TMEM132C: variants seen among roughly 807,000 people sequenced by gnomAD.
The protein encoded by TMEM132C is protein phosphatase 1, regulatory subunit 152.
TMEM132C carries 29 observed loss-of-function variants against 61.4 expected under a neutral mutation model. The observed-to-expected ratio is 0.47, with a 90% CI of 0.35 to 0.64. The LOEUF (loss-of-function observed/expected upper bound fraction) is 0.64. Among genes scored for constraint, TMEM132C ranks in the 30% least tolerant of loss-of-function variants. The probability of loss-of-function intolerance (pLI) is 0.00; values close to 1 mark genes in which losing one functional copy is unlikely to be tolerated. For synonymous variants in TMEM132C, 656 were observed against 633.1 expected, an observed-to-expected ratio of 1.04 and a Z score of -0.54; for missense variants, 1,408 against 1,476.9, an observed-to-expected ratio of 0.95 and a Z score of 0.76.
At position 128,431,729 on chromosome 12, in the gene TMEM132C, G is replaced by C. The variant is rs559358776; in HGVS notation, c.974+16109G>C. On this transcript the variant is annotated intron_variant, in intron 2 of 8. Transcript: ENST00000435159. ...GCCACCACGCCTTGCTAATTTTTCT[G>C]TATTTTTATTAGAGACGGGGTTTCA... 2.0e-5 allele frequency among the ~76,000 whole-genome samples: 3 copies of C among 151,888 alleles called. No individual in the cohort carries two copies. The East Asian group carries it at 5.9e-4, about 30-fold the overall frequency.
At chr12:128,622,350 AAAAAAAAAAAATATATATATATAT>A (rs1379036996) in intron 4 of TMEM132C, among the ~76,000 whole-genome samples, 7 of 57,960 alleles carry the variant, frequency 1.2e-4, no homozygotes, top group African/African-American at 6.7e-4. Context: ...TCTCAAAAAA[AAAAAAAAAAAATATATATATATAT>A]ATATATATAT....
At chr12:128,443,201 C>A (rs1023164642) in intron 2 of TMEM132C, among the ~76,000 whole-genome samples, 30 of 152,074 alleles carry the variant, frequency 2.0e-4, no homozygotes, top group African/African-American at 6.3e-4. Context: ...TATGTTCTCA[C>A]AAGTGGGAGC....
intron 2 of TMEM132C, among the ~76,000 whole-genome samples, chr12:128,512,077 A>G (rs185586036): frequency 2.6e-3 from 389 of 148,900 alleles, no homozygotes; most frequent in Non-Finnish European, 4.4e-3. Context: ...TTCCTACCGC[A>G]CTGCCAGTTT....
chr12:128,672,173 T>C (rs760749540), intron 5 of TMEM132C, among the ~76,000 whole-genome samples: 2 of 152,058 alleles, frequency 1.3e-5, no homozygotes, highest in Non-Finnish European at 2.9e-5. Flanking sequence ...ATGTGTTTTA[T>C]ACTAACAGCA....
Position 128,669,503 on chromosome 12 carries a change from C to A in TMEM132C, c.1392C>A (p.Ala464=). The part of the protein sequence containing the change: ...IKVVSVEENS[A]VMDISESVEC... Reference sequence around the variant, plus strand: ...TGGTCTCTGTGGAGGAGAACAGTGCCGTGATGGACATCTCAGAGTCGGTGG... The same window carrying A: ...TGGTCTCTGTGGAGGAGAACAGTGCAGTGATGGACATCTCAGAGTCGGTGG... The change falls in exon 5 of 9, where the codon GCC becomes GCA. Residue 464 remains alanine, a synonymous_variant. Coordinates refer to ENST00000435159, the MANE Select transcript of TMEM132C (RefSeq NM_001136103.3). The A allele has an allele frequency of 6.4e-7, 1 of 1,551,626 alleles. No homozygotes were observed. The highest frequency in any genetic ancestry group is 8.7e-7 in the Non-Finnish European group (1 of 1,146,982).
chr12:128,277,723 C>G (rs1356057570), intron 1 of TMEM132C, among the ~76,000 whole-genome samples: 1 of 152,222 alleles, frequency 6.6e-6, no homozygotes, highest in Admixed American at 6.5e-5. Flanking sequence ...GAATCAAAAG[C>G]CACTGGATGG....
rs565730970 is a variant in TMEM132C at position 128,619,824 on chromosome 12, A to G, written c.1305+3489A>G. Among the ~76,000 whole-genome samples the G allele has an allele frequency of 1.4e-4, 21 of 152,322 alleles. No individual in the cohort carries two copies. In the South Asian group the frequency reaches 4.3e-3, roughly 32 times the overall value. ...TGGCAGTTCAGTTCTTCTTCAATGTAAGAAAAAAGGGTTCATATCCCAAGT... is the reference window on the plus strand; with the variant it reads ...TGGCAGTTCAGTTCTTCTTCAATGTGAGAAAAAAGGGTTCATATCCCAAGT... On this transcript the variant is annotated intron_variant, in intron 4 of 8. Coordinates refer to ENST00000435159, the MANE Select transcript of TMEM132C (RefSeq NM_001136103.3).
chr12:128,698,493 C>T (rs982241712), intron 8 of TMEM132C, among the ~76,000 whole-genome samples: 14 of 152,202 alleles, frequency 9.2e-5, no homozygotes, highest in African/African-American at 2.7e-4. Flanking sequence ...TCAGGCAAGA[C>T]GCCTCACCCG....
At chr12:128,399,479 T>C (rs1420833198) in intron 1 of TMEM132C, among the ~76,000 whole-genome samples, 1 of 152,222 alleles carries the variant, frequency 6.6e-6, no homozygotes, top group Non-Finnish European at 1.5e-5. Context: ...ATTTAAATTC[T>C]GCTGTAAATG....
chr12:128,695,750 T>G, intron 6 of TMEM132C, 80 bp from the exon 7 acceptor site: 3 of 1,435,042 alleles, frequency 2.1e-6, no homozygotes, highest in Non-Finnish European at 2.8e-6. Flanking sequence ...TCCTTGAGGT[T>G]GAGGTGAGCG....
intron 1 of TMEM132C, among the ~76,000 whole-genome samples, chr12:128,327,829 T>C (rs1872572675): frequency 6.6e-6 from 1 of 152,066 alleles, no homozygotes. Flanking sequence ...TTCTGACTGA[T>C]CATTGGTTGA....
rs145431178 is a variant in TMEM132C at position 128,374,529 on chromosome 12, G to C, written c.86-40203G>C. Among the ~76,000 whole-genome samples the C allele has an allele frequency of 1.6e-3, 249 of 152,188 alleles. 3 individuals are homozygous for C. The East Asian group carries it at 0.038, about 23-fold the overall frequency. ...GCAGACGTGTGCCAGGCAGTGGGTGGGTTTGGCTATTTGGCGCCTGACAGC... is the reference window on the plus strand; with the variant it reads ...GCAGACGTGTGCCAGGCAGTGGGTGCGTTTGGCTATTTGGCGCCTGACAGC... On this transcript the variant is annotated intron_variant, in intron 1 of 8. Coordinates refer to ENST00000435159, the MANE Select transcript of TMEM132C (RefSeq NM_001136103.3).
chr12:128,580,098 C>G (rs1440249794), intron 3 of TMEM132C, among the ~76,000 whole-genome samples: 1 of 152,200 alleles, frequency 6.6e-6, no homozygotes, highest in Non-Finnish European at 1.5e-5. Context: ...ACAACGTAAT[C>G]TCTCCAAGCC....
intron 3 of TMEM132C, among the ~76,000 whole-genome samples, chr12:128,590,463 C>T (rs1875712233): frequency 6.6e-6 from 1 of 152,160 alleles, no homozygotes; most frequent in South Asian, 2.1e-4. Context: ...TGACAGTTGG[C>T]AAACTGTGGC....
chr12:128,283,643 A>G (rs1870969216), intron 1 of TMEM132C, among the ~76,000 whole-genome samples: 1 of 151,906 alleles, frequency 6.6e-6, no homozygotes, highest in Admixed American at 6.6e-5. Flanking sequence ...CCATCTATCT[A>G]TTATCTAATC....
chr12:128,577,111 A>C (rs559501454), intron 3 of TMEM132C, among the ~76,000 whole-genome samples: 5 of 152,032 alleles, frequency 3.3e-5, no homozygotes, highest in African/African-American at 4.8e-5. Context: ...CCCATCAACC[A>C]CTAATCTGCT....
chr12:128,651,342 G>C (rs1290486831), intron 4 of TMEM132C, among the ~76,000 whole-genome samples: 1 of 152,198 alleles, frequency 6.6e-6, no homozygotes, highest in African/African-American at 2.4e-5. Context: ...TGGCTCTTCA[G>C]ACAACGACTC....
intron 4 of TMEM132C, among the ~76,000 whole-genome samples, chr12:128,622,358 AAAATATAT>A (rs1240348523): frequency 2.3e-4 from 11 of 48,282 alleles, no homozygotes; most frequent in African/African-American, 8.3e-4. Flanking sequence ...AAAAAAAAAA[AAAATATAT>A]ATATATATAT....
chr12:128,466,570 A>G, intron 2 of TMEM132C, among the ~76,000 whole-genome samples: 1 of 152,124 alleles, frequency 6.6e-6, no homozygotes, highest in Middle Eastern at 3.2e-3. Context: ...TGTCTTCTGC[A>G]GCTCAGGCTG....
Sources: gnomAD v4.1 joint callset for allele counts (sites outside exome capture counted in the v4.1 genomes callset) on GRCh38, gnomAD v4.1.1 for gene constraint, MANE v1.5 for transcripts, NCBI Gene and HGNC (gene_info 2026-07-23, HGNC 2026-07-21) for gene names.